CADM2: variants seen among roughly 807,000 people sequenced by gnomAD.
The protein encoded by CADM2 is immunoglobulin superfamily member 4D.
A neutral mutation model predicts 49.8 loss-of-function variants in CADM2; 12 were observed. That is an observed-to-expected ratio of 0.24 (90% CI 0.15 to 0.39). CADM2 has a LOEUF of 0.39. Among genes scored for constraint, CADM2 ranks in the 10% least tolerant of loss-of-function variants. CADM2 has a pLI of 1.00. For missense variants in CADM2, 378 were observed against 492.3 expected (o/e 0.77, Z 2.20); for synonymous variants, 214 against 175.4 (o/e 1.22, Z -1.74).
intron 1 of CADM2, among the ~76,000 whole-genome samples, chr3:85,256,244 G>A (rs568166193): frequency 6.6e-6 from 1 of 151,988 alleles, no homozygotes; most frequent in Admixed American, 6.6e-5. Flanking sequence ...TTCTCATCAG[G>A]ATCACTCTCC....
At chr3:85,235,181 A>G (rs1352956990) in intron 1 of CADM2, among the ~76,000 whole-genome samples, 1 of 152,146 alleles carries the variant, frequency 6.6e-6, no homozygotes, top group East Asian at 1.9e-4. Flanking sequence ...AAAACCTTAT[A>G]GAATATTTCA....
intron 5 of CADM2, among the ~76,000 whole-genome samples, chr3:85,897,470 C>CTTGT (rs550307907): frequency 1.1e-3 from 166 of 149,964 alleles, no homozygotes; most frequent in Admixed American, 2.9e-3. Flanking sequence ...GGGGTTTCAC[C>CTTGT]TTGTTAGCCA....
chr3:85,890,459 G>C (rs1474625204), intron 5 of CADM2, among the ~76,000 whole-genome samples: 1 of 152,136 alleles, frequency 6.6e-6, no homozygotes, highest in Non-Finnish European at 1.5e-5. Flanking sequence ...TCTCATACCT[G>C]TGAAGAAAAG....
At chr3:85,157,562 C>A (rs886520944) in intron 1 of CADM2, among the ~76,000 whole-genome samples, 89 of 152,236 alleles carry the variant, frequency 5.8e-4, no homozygotes, top group African/African-American at 1.9e-3. Context: ...TGATCTTTGA[C>A]AAACCTGAGA....
intron 1 of CADM2, among the ~76,000 whole-genome samples, chr3:85,277,069 A>G (rs2043374329): frequency 6.6e-6 from 1 of 151,434 alleles, no homozygotes; most frequent in Admixed American, 6.6e-5. Context: ...AAATGATAGA[A>G]CATTGTTATT....
At chr3:86,012,468 C>T (rs572061333) in intron 8 of CADM2, 5 of 738,856 alleles carry the variant, frequency 6.8e-6, no homozygotes, top group Admixed American at 8.8e-5. Context: ...CAGAGCCGGC[C>T]GACCTGGCTC....
intron 1 of CADM2, among the ~76,000 whole-genome samples, chr3:85,092,325 G>A (rs73843283): frequency 2.8e-3 from 432 of 152,200 alleles, no homozygotes; most frequent in African/African-American, 9.1e-3. Context: ...AAGAAGAATA[G>A]CAGACTTATA....
At chr3:85,835,449 C>A (rs930641296) in intron 3 of CADM2, among the ~76,000 whole-genome samples, 1 of 150,900 alleles carries the variant, frequency 6.6e-6, no homozygotes, top group Non-Finnish European at 1.5e-5. Context: ...CTTCAAGAAG[C>A]TTTGCTATGT....
intron 8 of CADM2, chr3:86,012,534 G>T: frequency 1.4e-6 from 2 of 1,404,924 alleles, no homozygotes; most frequent in East Asian, 2.7e-5. Context: ...GGAGCGGAGG[G>T]CTGGGCCAGC....
At chr3:85,130,823 C>T (rs981116699) in intron 1 of CADM2, among the ~76,000 whole-genome samples, 2 of 152,098 alleles carry the variant, frequency 1.3e-5, no homozygotes, top group South Asian at 2.1e-4. Context: ...TTATACGTAG[C>T]GTTATTAATC....
intron 1 of CADM2, among the ~76,000 whole-genome samples, chr3:85,285,179 G>A (rs2043603522): frequency 6.6e-6 from 1 of 152,052 alleles, no homozygotes; most frequent in Admixed American, 6.6e-5. Context: ...AGACAAAGAT[G>A]GTTTGAGATG....
intron 3 of CADM2, among the ~76,000 whole-genome samples, chr3:85,813,634 A>G (rs555431353): frequency 4.6e-5 from 7 of 152,216 alleles, no homozygotes; most frequent in Admixed American, 6.5e-5. Flanking sequence ...CCTGAATGGT[A>G]TTGTTCAGGT....
At chr3:85,021,116 CAA>C (rs5850660) in intron 1 of CADM2, among the ~76,000 whole-genome samples, 934 of 85,902 alleles carry the variant, frequency 0.011, 1 homozygote, top group Middle Eastern at 0.03. Flanking sequence ...GACCCTGTCT[CAA>C]AAAAAAAAAA....
chr3:85,551,171 G>A (rs2061793011), intron 1 of CADM2, among the ~76,000 whole-genome samples: 2 of 151,984 alleles, frequency 1.3e-5, no homozygotes, highest in South Asian at 4.1e-4. Flanking sequence ...TTGTAGAGAC[G>A]AGGTTTCTCT....
chr3:85,502,472 AT>A (rs373824839), intron 1 of CADM2, among the ~76,000 whole-genome samples: 38 of 152,218 alleles, frequency 2.5e-4, no homozygotes, highest in African/African-American at 8.7e-4. Flanking sequence ...ATAGTGTCAT[AT>A]ATATTGTTAA....
At chr3:85,152,613 T>G (rs990738657) in intron 1 of CADM2, among the ~76,000 whole-genome samples, 4 of 152,094 alleles carry the variant, frequency 2.6e-5, no homozygotes, top group African/African-American at 9.7e-5. Flanking sequence ...GTTCACCATA[T>G]AGTGACTACT....
intron 1 of CADM2, among the ~76,000 whole-genome samples, chr3:85,423,892 G>C (rs1454320549): frequency 6.6e-6 from 1 of 152,014 alleles, no homozygotes; most frequent in Non-Finnish European, 1.5e-5. Context: ...CTTTTACTTT[G>C]TCTTCCCTAT....
chr3:85,762,535 C>T (rs1011062434), intron 2 of CADM2, among the ~76,000 whole-genome samples: 120 of 151,848 alleles, frequency 7.9e-4, no homozygotes, highest in African/African-American at 2.7e-3. Flanking sequence ...GTTCCCTCCC[C>T]TCTTGAAACA....
intron 1 of CADM2, among the ~76,000 whole-genome samples, chr3:85,304,664 G>GT (rs1048918093): frequency 2.0e-5 from 3 of 151,836 alleles, no homozygotes; most frequent in Non-Finnish European, 4.4e-5. Context: ...GTTTAACTTT[G>GT]TTTTTTAAGA....
Sources: allele counts gnomAD v4.1 joint callset (sites outside exome capture counted in the v4.1 genomes callset), GRCh38; gene constraint gnomAD v4.1.1; transcripts MANE v1.5; gene names NCBI Gene and HGNC (gene_info 2026-07-23, HGNC 2026-07-21).